The following NMRAL1 variants were observed in gnomAD, a reference collection of about 807,000 sequenced individuals.
NMRAL1 encodes the protein NmrA like redox sensor 1, also known as nmrA-like family domain-containing protein 1.
In NMRAL1, 32 loss-of-function variants were observed where a neutral mutation model predicts 27.5. The ratio of observed to expected loss-of-function variants is 1.16; its 90% CI spans 0.88 to 1.56. The LOEUF is 1.56. NMRAL1 is among the 40% of genes most tolerant of loss of function. The pLI is 0.00. For missense variants in NMRAL1, 420 were observed against 392.0 expected, an observed-to-expected ratio of 1.07 and a Z score of -0.60; for synonymous variants, 166 against 166.8, an observed-to-expected ratio of 1.00 and a Z score of 0.04.
At chr16:4,468,800 G>C (rs2057431097) in intron 3 of NMRAL1, among the ~76,000 whole-genome samples, 1 of 152,002 alleles carries the variant, frequency 6.6e-6, no homozygotes, top group Non-Finnish European at 1.5e-5. Context: ...AGGGAGGCAA[G>C]GGTTGAAAAC....
At chr16:4,462,469 A>C (rs2057144897) in intron 5 of NMRAL1, among the ~76,000 whole-genome samples, 1 of 152,032 alleles carries the variant, frequency 6.6e-6, no homozygotes, top group African/African-American at 2.4e-5. Context: ...CAAGAGTGAG[A>C]CCCTGTCTCA....
At chr16:4,463,466 G>T in intron 5 of NMRAL1, 194 bp downstream of exon 5, 1 of 566,254 alleles carries the variant, frequency 1.8e-6, no homozygotes, top group Non-Finnish European at 3.0e-6. Context: ...CTCTCTATTT[G>T]GTCAAAACAT....
In NMRAL1 at chr16:4,461,799, C is replaced by G. The variant is rs778358522; in HGVS notation, c.881G>C (p.Gly294Ala). 6.2e-7 allele frequency: 1 copy of G among 1,613,524 alleles called. No homozygotes were observed. Among genetic ancestry groups the G allele is most frequent in the Non-Finnish European group, 8.5e-7 (1 of 1,179,758 alleles). ...GGCAGGTCACAGCAGGTTGAAGTCCCCTTTGTGCTGTTCCAGCCACTGGTC... is the reference window on the plus strand; with the variant it reads ...GGCAGGTCACAGCAGGTTGAAGTCCGCTTTGTGCTGTTCCAGCCACTGGTC... ...TLDQWLEQHK[G>A]DFNLL The change falls in exon 6 of 6, where the codon GGG becomes GCG. Residue 294 changes from glycine to alanine, a missense_variant. Transcript: ENST00000283429.
At chr16:4,464,859 G>A (rs937986429) in intron 4 of NMRAL1, among the ~76,000 whole-genome samples, 3 of 151,536 alleles carry the variant, frequency 2.0e-5, no homozygotes, top group South Asian at 2.1e-4. Context: ...CTCGTGATCC[G>A]CCCTCCTCGG....
intron 5 of NMRAL1, chr16:4,463,284 C>A (rs1387208390): frequency 1.7e-5 from 5 of 300,984 alleles, no homozygotes; most frequent in African/African-American, 2.2e-5. Flanking sequence ...AGGGGTCGGC[C>A]CTATCTTTCT....
Position 4,461,839 on chromosome 16 carries a change from TG to T in NMRAL1, c.840del (p.Lys281ArgfsTer3). The T allele has an allele frequency of 6.2e-7, 1 of 1,614,152 alleles. No individual in the cohort carries two copies. Among genetic ancestry groups the T allele is most frequent in the Non-Finnish European group, 8.5e-7 (1 of 1,180,028 alleles). Reference sequence around the variant, plus strand: ...AGCCACTGGTCCAGCGTCAGGGCCTTGGGGTTGAGTCTCAGGGTCAGCTCGA... The same window carrying T: ...AGCCACTGGTCCAGCGTCAGGGCCTTGGGTTGAGTCTCAGGGTCAGCTCGA... ...RDIELTLRLN[P>X]KALTLDQWLE... On this transcript the variant is annotated frameshift_variant, in exon 6 of 6. Coordinates refer to ENST00000283429, the MANE Select transcript of NMRAL1 (RefSeq NM_020677.6). LOFTEE classifies it high-confidence loss of function.
At chr16:4,474,052 G>T (rs780293395) in intron 2 of NMRAL1, 41 bp downstream of exon 2, 3 of 1,552,686 alleles carry the variant, frequency 1.9e-6, no homozygotes, top group Non-Finnish European at 2.7e-6. Flanking sequence ...AGGGCTAGGC[G>T]CCCTGGCTCT....
intron 2 of NMRAL1, among the ~76,000 whole-genome samples, chr16:4,473,456 G>A (rs1337873251): frequency 6.6e-6 from 1 of 152,040 alleles, no homozygotes; most frequent in Non-Finnish European, 1.5e-5. Flanking sequence ...AAATAGGAAT[G>A]AAATAATATG....
At chr16:4,467,359 G>A (rs2057369139) in intron 3 of NMRAL1, among the ~76,000 whole-genome samples, 1 of 152,024 alleles carries the variant, frequency 6.6e-6, no homozygotes. Context: ...TCACCCTCCT[G>A]AGTCGCTGGG....
At chr16:4,473,109 A>G (rs1022624965) in intron 2 of NMRAL1, among the ~76,000 whole-genome samples, 5 of 151,288 alleles carry the variant, frequency 3.3e-5, no homozygotes, top group Non-Finnish European at 5.9e-5. Context: ...AGGTAGCTAT[A>G]GGTGCATGAC....
Position 4,463,715 on chromosome 16 carries a change from T to C in NMRAL1, c.665A>G (p.Glu222Gly). Residue 222 changes from glutamate to glycine, a missense_variant, in exon 5 of 6, where the codon GAG becomes GGG. Coordinates refer to ENST00000283429, the MANE Select transcript of NMRAL1 (RefSeq NM_020677.6). ...IGLSTCRHTA[E>G]EYAALLTKHT... ...CTTGGTGAGCAGGGCAGCGTACTCCTCGGCCGTGTGCCTGCAAGTGCTCAG... is the reference window on the plus strand; with the variant it reads ...CTTGGTGAGCAGGGCAGCGTACTCCCCGGCCGTGTGCCTGCAAGTGCTCAG... 7 of 1,614,068 alleles carry C rather than the reference T, an allele frequency of 4.3e-6. No individual in the cohort carries two copies. The highest frequency in any genetic ancestry group is 5.9e-6 in the Non-Finnish European group (7 of 1,180,044).
intron 4 of NMRAL1, among the ~76,000 whole-genome samples, chr16:4,465,601 T>C (rs2057290845): frequency 6.6e-6 from 1 of 152,070 alleles, no homozygotes; most frequent in Non-Finnish European, 1.5e-5. Flanking sequence ...AGTGTTGCTC[T>C]TGTCGCCTAG....
At chr16:4,474,272 C>T (rs566158505) in intron 1 of NMRAL1, 106 bp from the exon 2 acceptor site, 6 of 760,316 alleles carry the variant, frequency 7.9e-6, no homozygotes, top group South Asian at 1.7e-5. Context: ...TCGAAGGGGG[C>T]GGCTGGGCCC....
intron 2 of NMRAL1, 180 bp from the exon 3 acceptor site, chr16:4,469,645 T>C: frequency 7.9e-7 from 1 of 1,266,898 alleles, no homozygotes; most frequent in Non-Finnish European, 1.1e-6. Context: ...AGTCTCACTC[T>C]ATCACCCAGG....
chr16:4,474,197 G>C, intron 1 of NMRAL1, 31 bp from the exon 2 acceptor site: 1 of 1,547,714 alleles, frequency 6.5e-7, no homozygotes, highest in Non-Finnish European at 8.8e-7. Context: ...GGAGTTGGGG[G>C]TGGGGCCGGG....
At chr16:4,466,059 C>T (rs2057310446) in intron 4 of NMRAL1, 94 bp downstream of exon 4, 1 of 1,499,976 alleles carries the variant, frequency 6.7e-7, no homozygotes, top group Non-Finnish European at 9.1e-7. Context: ...ACGGCTTGAA[C>T]CTGGCACCAC....
chr16:4,466,498 T>G, intron 3 of NMRAL1, 96 bp from the exon 4 acceptor site: 3 of 1,317,690 alleles, frequency 2.3e-6, no homozygotes, highest in Non-Finnish European at 3.2e-6. Context: ...GGCCACCATC[T>G]GCGAGGTTAA....
rs933070833 is a variant in NMRAL1, at chr16:4,469,363, C to T, written c.143G>A (p.Arg48Lys). 1 of 1,614,076 alleles carries T rather than the reference C, an allele frequency of 6.2e-7. No homozygotes were observed. The highest frequency in any genetic ancestry group is 1.1e-5 in the South Asian group (1 of 91,088). ...CTGCACTACTTCTGCACCTTGCAGCCTCAGCTCCTTTGCTGCCTTCTTCCT... is the reference window on the plus strand; with the variant it reads ...CTGCACTACTTCTGCACCTTGCAGCTTCAGCTCCTTTGCTGCCTTCTTCCT... ...NPRKKAAKELRLQGAEVVQGD... is the reference protein window; with the variant it reads ...NPRKKAAKELKLQGAEVVQGD... Residue 48 changes from arginine to lysine, a missense_variant, in exon 3 of 6, where the codon AGG (arginine) becomes AAG (lysine). By Grantham distance (26) the Arg-to-Lys change is conservative. Coordinates refer to ENST00000283429, the MANE Select transcript of NMRAL1 (RefSeq NM_020677.6).
chr16:4,462,092 G>C (rs574664112), intron 5 of NMRAL1, 133 bp from the exon 6 acceptor site: 1 of 712,138 alleles, frequency 1.4e-6, no homozygotes, highest in East Asian at 2.6e-5. Context: ...CCCTGACCCA[G>C]GTCCTCCGTA....
Sources: gnomAD v4.1 joint callset for allele counts (sites outside exome capture counted in the v4.1 genomes callset) on GRCh38, gnomAD v4.1.1 for gene constraint, MANE v1.5 for transcripts, NCBI Gene and HGNC (gene_info 2026-07-23, HGNC 2026-07-21) for gene names.